Variants in PARN observed in about 807,000 individuals in gnomAD.
The protein encoded by PARN is poly(A)-specific ribonuclease, also known as poly(A)-specific ribonuclease PARN.
A neutral mutation model predicts 102.8 loss-of-function variants in PARN; 71 were observed. The observed-to-expected ratio is 0.69, with a 90% CI of 0.57 to 0.84. The LOEUF (loss-of-function observed/expected upper bound fraction) is 0.84, where lower values mean the gene tolerates loss of function less well. Among genes scored for constraint, PARN ranks in the 40% least tolerant of loss-of-function variants. PARN has a pLI of 0.00. For synonymous variants in PARN, 261 were observed against 252.9 expected, an observed-to-expected ratio of 1.03 and a Z score of -0.30; for missense variants, 782 against 760.9, an observed-to-expected ratio of 1.03 and a Z score of -0.33.
intron 23 of PARN, among the ~76,000 whole-genome samples, chr16:14,442,602 C>G (rs1567281719): frequency 1.3e-5 from 2 of 148,274 alleles, no homozygotes; most frequent in Non-Finnish European, 3.0e-5. Context: ...CTCCCTCCCT[C>G]CTCTCTCTTT....
In PARN at chr16:14,608,222, A is replaced by G; in HGVS notation, c.659+59T>C. ...AAGGAAATGAGAACTAAGAGATTAT[A>G]TTTAGTCTTTAAATCCTGGGTCCCC... is the stretch of plus-strand genomic sequence containing the variant. On this transcript the variant is annotated intron_variant, in intron 9 of 23. Transcript: ENST00000437198. 4 of 1,191,196 alleles carry G rather than the reference A, an allele frequency of 3.4e-6. No individual in the cohort carries two copies. In the South Asian group the frequency reaches 4.2e-5, roughly 12 times the overall value. The allele number at this position is 1,191,196 out of a possible 1,614,324, so 73.8% of individuals were successfully genotyped here.
intron 23 of PARN, among the ~76,000 whole-genome samples, chr16:14,438,449 G>GGA (rs1555475680): frequency 6.7e-6 from 1 of 150,082 alleles, no homozygotes; most frequent in Non-Finnish European, 1.5e-5. Context: ...GTTGGGGGGG[G>GGA]GGGTGTGTGA....
intron 21 of PARN, chr16:14,501,462 A>AAAAAAAAAAAAAACC (rs1964609249): frequency 7.6e-6 from 1 of 131,364 alleles, no homozygotes; most frequent in Non-Finnish European, 1.7e-5. Context: ...AAAAAAAAAC[A>AAAAAAAAAAAAAACC]GAAAGAAAAA....
At position 14,615,879 on chromosome 16, in the gene PARN, C is replaced by T. The variant is rs146067676; in HGVS notation, c.388+1711G>A. 1.1e-4 allele frequency among the ~76,000 whole-genome samples: 17 copies of T among 148,324 alleles called. No homozygotes were observed. In the East Asian group the frequency reaches 1.4e-3, roughly 12 times the overall value. On this transcript the variant is annotated intron_variant, in intron 6 of 23. Transcript: ENST00000437198. ...TCATACCATTGCACTCCAGCCTGGG[C>T]GACACAGTGAGATTCTGTCTCAAAA...
chr16:14,594,575 G>A (rs1353420034), intron 12 of PARN, among the ~76,000 whole-genome samples: 4 of 152,078 alleles, frequency 2.6e-5, no homozygotes, highest in African/African-American at 2.4e-5. Context: ...AATTAGCTGG[G>A]TGTGGTGGCA....
chr16:14,552,574 C>G (rs1967376461), intron 20 of PARN, among the ~76,000 whole-genome samples: 1 of 152,148 alleles, frequency 6.6e-6, no homozygotes, highest in Non-Finnish European at 1.5e-5. Flanking sequence ...CCTCCTGGGT[C>G]AAGCAATCCT....
chr16:14,558,517 A>G (rs1967851502), intron 18 of PARN: 1 of 152,158 alleles, frequency 6.6e-6, no homozygotes, highest in South Asian at 2.1e-4. Flanking sequence ...AAGTTAATGA[A>G]ACGTATCAAG....
chr16:14,451,471 T>TA (rs1231982138), intron 22 of PARN, among the ~76,000 whole-genome samples: 3 of 152,296 alleles, frequency 2.0e-5, no homozygotes, highest in Admixed American at 6.5e-5. Flanking sequence ...GAATTACTGT[T>TA]ACCTCCAACA....
intron 21 of PARN, among the ~76,000 whole-genome samples, chr16:14,506,233 A>T (rs894052901): frequency 2.0e-5 from 3 of 152,252 alleles, no homozygotes; most frequent in Non-Finnish European, 4.4e-5. Context: ...ATCTTGTGAA[A>T]ATAAGAAACA....
chr16:14,518,154 A>G (rs1965548280), intron 21 of PARN, among the ~76,000 whole-genome samples: 2 of 151,926 alleles, frequency 1.3e-5, no homozygotes, highest in Admixed American at 1.3e-4. Flanking sequence ...TAAAAATAAT[A>G]CAAATTAAAA....
intron 21 of PARN, among the ~76,000 whole-genome samples, chr16:14,526,380 T>C (rs1223195600): frequency 2.0e-5 from 3 of 151,772 alleles, no homozygotes; most frequent in Non-Finnish European, 4.4e-5. Flanking sequence ...GGTTTCACCA[T>C]GTTAGCCAGG....
chr16:14,615,912 A>AC (rs1971867662), intron 6 of PARN, among the ~76,000 whole-genome samples: 1 of 151,964 alleles, frequency 6.6e-6, no homozygotes, highest in Admixed American at 6.6e-5. Context: ...AAAAAAAAAA[A>AC]AAAACACCAC....
chr16:14,484,314 A>G (rs17200189), intron 21 of PARN, among the ~76,000 whole-genome samples: 28,480 of 152,116 alleles, frequency 0.19, 3,272 homozygotes, highest in Middle Eastern at 0.26. Flanking sequence ...GTGAGGATCA[A>G]TGGTGGCCTC....
At chr16:14,469,051 A>C (rs1368903768) in intron 22 of PARN, among the ~76,000 whole-genome samples, 1 of 152,174 alleles carries the variant, frequency 6.6e-6, no homozygotes, top group Non-Finnish European at 1.5e-5. Context: ...TAATCCCAGC[A>C]CTTTGGGAGG....
chr16:14,467,065 G>A (rs1962406567), intron 22 of PARN, among the ~76,000 whole-genome samples: 1 of 152,114 alleles, frequency 6.6e-6, no homozygotes, highest in Non-Finnish European at 1.5e-5. Flanking sequence ...GCAGGCAAAT[G>A]ACCAGAAATA....
At chr16:14,504,203 C>A (rs760596719) in intron 21 of PARN, among the ~76,000 whole-genome samples, 2 of 152,160 alleles carry the variant, frequency 1.3e-5, no homozygotes, top group African/African-American at 4.8e-5. Context: ...AAAACACAAA[C>A]AAATGTTTAA....
chr16:14,468,878 A>ATAGATAGATAG (rs1555481204), intron 22 of PARN, among the ~76,000 whole-genome samples: 8 of 139,620 alleles, frequency 5.7e-5, no homozygotes, highest in East Asian at 2.1e-4. Context: ...CCCATTACTA[A>ATAGATAGATAG]ATAGATAGAT....
At position 14,604,208 on chromosome 16, in the gene PARN, T is replaced by C. The variant is rs1340656429; in HGVS notation, c.721A>G (p.Ile241Val). 1 of 1,592,582 alleles carries C rather than the reference T, an allele frequency of 6.3e-7. No individual in the cohort carries two copies. Among genetic ancestry groups the C allele is most frequent in the African/African-American group, 1.3e-5 (1 of 74,822 alleles). ...ETEKKERYIV[I>V]SKVDEEERKR... ...CGTTCTTCTTCATCTACTTTGCTGA[T>C]AACTATATATCGCTCCTTCTAAAAG... The change falls in exon 11 of 24, where the codon ATC (isoleucine) becomes GTC (valine). Residue 241 changes from isoleucine to valine, a missense_variant. Physicochemically the swap from Ile to Val is conservative, Grantham distance 29. Coordinates refer to ENST00000437198, the MANE Select transcript of PARN (RefSeq NM_002582.4).
At chr16:14,565,682 T>C (rs1477164292) in intron 18 of PARN, among the ~76,000 whole-genome samples, 1 of 152,190 alleles carries the variant, frequency 6.6e-6, no homozygotes, top group African/African-American at 2.4e-5. Context: ...ACTAACACTG[T>C]CTCTTAAAAA....
Sources: allele counts gnomAD v4.1 joint callset (sites outside exome capture counted in the v4.1 genomes callset), GRCh38; gene constraint gnomAD v4.1.1; transcripts MANE v1.5; gene names NCBI Gene and HGNC (gene_info 2026-07-23, HGNC 2026-07-21).